The following TMEM156 variants were observed in gnomAD, a reference collection of about 807,000 sequenced individuals.
The protein encoded by TMEM156 is transmembrane protein 156.
A neutral mutation model predicts 30.5 loss-of-function variants in TMEM156; 28 were observed. That is an observed-to-expected ratio of 0.92 (90% CI 0.68 to 1.26). The LOEUF is 1.26. TMEM156 is among the 50% of genes most tolerant of loss of function. The pLI is 0.00. For synonymous variants in TMEM156, 137 were observed against 119.9 expected (o/e 1.14, Z -0.93); for missense variants, 351 against 340.6 (o/e 1.03, Z -0.24).
chr4:39,009,769 T>C (rs1225981705), intron 1 of TMEM156, among the ~76,000 whole-genome samples: 2 of 152,162 alleles, frequency 1.3e-5, no homozygotes, highest in South Asian at 2.1e-4. Flanking sequence ...GAGCCATCTA[T>C]GGCAAGCTTA....
intron 3 of TMEM156, among the ~76,000 whole-genome samples, chr4:38,991,255 A>G (rs1308093010): frequency 1.9e-5 from 2 of 105,670 alleles, no homozygotes; most frequent in South Asian, 2.8e-4. Context: ...ACAGTGTTTC[A>G]CTCTGTTACC....
chr4:38,978,522 G>A (rs527506638), intron 5 of TMEM156, among the ~76,000 whole-genome samples: 17 of 152,198 alleles, frequency 1.1e-4, no homozygotes, highest in South Asian at 6.2e-4. Flanking sequence ...GCCTCATTTC[G>A]CTCAGCAACA....
At chr4:39,007,280 C>T (rs2110008931) in intron 1 of TMEM156, among the ~76,000 whole-genome samples, 1 of 152,132 alleles carries the variant, frequency 6.6e-6, no homozygotes, top group East Asian at 1.9e-4. Flanking sequence ...CAATCCTTCG[C>T]TCATTTCAAT....
intron 1 of TMEM156, among the ~76,000 whole-genome samples, chr4:39,004,907 T>C (rs1157410951): frequency 6.6e-6 from 1 of 152,198 alleles, no homozygotes; most frequent in African/African-American, 2.4e-5. Flanking sequence ...AAAACATATG[T>C]CCACATGAAG....
At chr4:38,981,470 A>T (rs574913040) in intron 5 of TMEM156, among the ~76,000 whole-genome samples, 1 of 152,218 alleles carries the variant, frequency 6.6e-6, no homozygotes, top group African/African-American at 2.4e-5. Context: ...TTATATAGAC[A>T]AAATGTTTTG....
intron 3 of TMEM156, among the ~76,000 whole-genome samples, chr4:38,992,681 AT>A (rs33927831): frequency 0.078 from 7,078 of 91,262 alleles, 298 homozygotes; most frequent in Admixed American, 0.13. Context: ...TATATAATAT[AT>A]TATATAATAT....
intron 1 of TMEM156, among the ~76,000 whole-genome samples, chr4:39,017,987 TG>T (rs1474393012): frequency 1.3e-5 from 2 of 152,210 alleles, no homozygotes; most frequent in African/African-American, 4.8e-5. Flanking sequence ...TTACATTTAC[TG>T]GGATCATTGG....
chr4:39,017,949 G>A (rs1289210120), intron 1 of TMEM156, among the ~76,000 whole-genome samples: 2 of 151,812 alleles, frequency 1.3e-5, no homozygotes, highest in African/African-American at 2.4e-5. Context: ...ATAATTTTTT[G>A]TCTTTTTACC....
At chr4:39,009,505 A>G (rs550198932) in intron 1 of TMEM156, among the ~76,000 whole-genome samples, 1 of 152,344 alleles carries the variant, frequency 6.6e-6, no homozygotes, top group African/African-American at 2.4e-5. Flanking sequence ...TCAGCAAAAT[A>G]TTAGCAAACC....
At chr4:39,000,252 CG>C (rs1713241013) in intron 1 of TMEM156, among the ~76,000 whole-genome samples, 2 of 152,066 alleles carry the variant, frequency 1.3e-5, no homozygotes, top group South Asian at 4.2e-4. Flanking sequence ...ATTAGCCAGG[CG>C]GGGTGGTGCA....
At chr4:38,971,769 C>T (rs1246822950) in intron 5 of TMEM156, among the ~76,000 whole-genome samples, 1 of 152,002 alleles carries the variant, frequency 6.6e-6, no homozygotes, top group African/African-American at 2.4e-5. Context: ...AAGCCCTGAA[C>T]ACAGGTGAAA....
chr4:39,017,414 C>T (rs1305201834), intron 1 of TMEM156, among the ~76,000 whole-genome samples: 2 of 151,798 alleles, frequency 1.3e-5, no homozygotes, highest in Admixed American at 6.6e-5. Context: ...TTCCTGACCC[C>T]GTGATCCACC....
In TMEM156 at chr4:38,993,802, A is replaced by G. The variant is rs778805815; in HGVS notation, c.555T>C (p.Cys185=). Reference sequence around the variant, plus strand: ...AATCATTCGGGTATTCCATGATTCTACAAGTGTAGTTTATCGATTTCTCCT... The same window carrying G: ...AATCATTCGGGTATTCCATGATTCTGCAAGTGTAGTTTATCGATTTCTCCT... ...PSKEKSINYT[C]RIMEYPNDCI... The change falls in exon 3 of 7, where the codon TGT becomes TGC. Residue 185 remains cysteine, a synonymous_variant. Coordinates refer to ENST00000381938, the MANE Select transcript of TMEM156 (RefSeq NM_024943.3). 30 of 1,613,772 alleles carry G rather than the reference A, an allele frequency of 1.9e-5. No homozygotes were observed. In the Admixed American group the frequency reaches 4.2e-4, roughly 22 times the overall value.
chr4:39,028,444 C>A (rs568424751), intron 1 of TMEM156: 1 of 152,202 alleles, frequency 6.6e-6, no homozygotes, highest in Admixed American at 6.5e-5. Context: ...CAAAGACTGA[C>A]GTGGAAGCAA....
rs150109244 is a variant in TMEM156 at position 38,997,937 on chromosome 4, A to C, written c.358+703T>G. On this transcript the variant is annotated intron_variant, in intron 2 of 6. Transcript: ENST00000381938. Reference sequence around the variant, plus strand: ...AAAAAGACTTCACATACAATGACTAAATGTTAAGCAGGAGTAGGTATAAAT... The same window carrying C: ...AAAAAGACTTCACATACAATGACTACATGTTAAGCAGGAGTAGGTATAAAT... Among the ~76,000 whole-genome samples the C allele has an allele frequency of 7.6e-3, 1,151 of 152,350 alleles. 17 individuals carry two copies. The highest frequency in any genetic ancestry group is 0.026 in the African/African-American group (1,088 of 41,578).
At chr4:39,012,223 G>A (rs1006982963) in intron 1 of TMEM156, among the ~76,000 whole-genome samples, 1 of 151,872 alleles carries the variant, frequency 6.6e-6, no homozygotes, top group South Asian at 2.1e-4. Context: ...TACATCAGTG[G>A]GTCTAAAAGA....
intron 4 of TMEM156, among the ~76,000 whole-genome samples, chr4:38,988,412 C>A (rs1577527637): frequency 7.1e-6 from 1 of 141,028 alleles, no homozygotes; most frequent in Admixed American, 7.4e-5. Context: ...TTAGTAGAGA[C>A]GGGCTTTCAC....
intron 6 of TMEM156, 142 bp downstream of exon 6, chr4:38,970,890 A>G (rs1483524064): frequency 3.6e-6 from 2 of 551,184 alleles, no homozygotes; most frequent in Admixed American, 3.3e-5. Flanking sequence ...ATTTCATGTC[A>G]TCTAATTCAT....
chr4:38,983,641 C>CCT (rs1711744864), intron 5 of TMEM156, among the ~76,000 whole-genome samples: 1 of 152,182 alleles, frequency 6.6e-6, no homozygotes, highest in African/African-American at 2.4e-5. Context: ...CTCAAGTGAT[C>CCT]CTCCCACCTC....
Sources: gnomAD v4.1 joint callset for allele counts (sites outside exome capture counted in the v4.1 genomes callset) on GRCh38, gnomAD v4.1.1 for gene constraint, MANE v1.5 for transcripts, NCBI Gene and HGNC (gene_info 2026-07-23, HGNC 2026-07-21) for gene names.